Variants in NELL2 observed in about 807,000 individuals in gnomAD.
NELL2 encodes protein kinase C-binding protein NELL2.
In NELL2, 41 loss-of-function variants were observed where a neutral mutation model predicts 109.6. The ratio of observed to expected loss-of-function variants is 0.37; its 90% CI spans 0.29 to 0.49. The LOEUF is 0.49. Among genes scored for constraint, NELL2 ranks in the 20% least tolerant of loss-of-function variants. The pLI, the probability that NELL2 is intolerant of heterozygous loss-of-function variation, is 0.98. For missense variants in NELL2, 900 were observed against 1,008.3 expected, an observed-to-expected ratio of 0.89 and a Z score of 1.45; for synonymous variants, 355 against 344.7, an observed-to-expected ratio of 1.03 and a Z score of -0.33.
intron 2 of NELL2, among the ~76,000 whole-genome samples, chr12:44,821,501 AG>A (rs1943541999): frequency 1.3e-5 from 2 of 152,232 alleles, no homozygotes; most frequent in South Asian, 4.1e-4. Flanking sequence ...ATTTTAAGAA[AG>A]GTCATTTTAC....
At chr12:44,827,828 T>A (rs1238406715) in intron 2 of NELL2, among the ~76,000 whole-genome samples, 1 of 152,180 alleles carries the variant, frequency 6.6e-6, no homozygotes, top group African/African-American at 2.4e-5. Flanking sequence ...GGTATATACC[T>A]GGGAGTGGGA....
At chr12:44,672,653 C>A (rs1948179403) in intron 12 of NELL2, among the ~76,000 whole-genome samples, 1 of 152,196 alleles carries the variant, frequency 6.6e-6, no homozygotes, top group Non-Finnish European at 1.5e-5. Context: ...ACTTTGATGG[C>A]ACTAAAGTTC....
chr12:44,824,210 T>C (rs529976570), intron 2 of NELL2, among the ~76,000 whole-genome samples: 16 of 152,248 alleles, frequency 1.1e-4, no homozygotes, highest in Non-Finnish European at 1.5e-4. Flanking sequence ...TCTTCCATTC[T>C]GTACATTGTT....
At chr12:44,607,492 C>A (rs1945450881) in intron 14 of NELL2, among the ~76,000 whole-genome samples, 1 of 152,072 alleles carries the variant, frequency 6.6e-6, no homozygotes, top group Admixed American at 6.6e-5. Context: ...AAACAAAATA[C>A]TGAAATTTAT....
At chr12:44,736,829 A>T (rs1040191937) in intron 9 of NELL2, among the ~76,000 whole-genome samples, 2 of 152,142 alleles carry the variant, frequency 1.3e-5, no homozygotes, top group African/African-American at 2.4e-5. Flanking sequence ...GTTAAAAGAC[A>T]AATTATACAT....
chr12:44,892,513 C>T (rs1181015560), intron 1 of NELL2, among the ~76,000 whole-genome samples: 1 of 151,982 alleles, frequency 6.6e-6, no homozygotes, highest in Non-Finnish European at 1.5e-5. Flanking sequence ...ATGAAGAAAC[C>T]AGGGCTGGGC....
At chr12:44,835,196 C>A (rs1333123622) in intron 2 of NELL2, among the ~76,000 whole-genome samples, 1 of 152,170 alleles carries the variant, frequency 6.6e-6, no homozygotes, top group African/African-American at 2.4e-5. Flanking sequence ...AGTCATTAGT[C>A]TCTCAGACAC....
intron 7 of NELL2, among the ~76,000 whole-genome samples, 177 bp from the exon 8 acceptor site, chr12:44,776,327 TCTC>T (rs1488465246): frequency 6.6e-6 from 1 of 152,056 alleles, no homozygotes; most frequent in African/African-American, 2.4e-5. Flanking sequence ...TGTTTTTTTC[TCTC>T]CTCTTCTTTT....
At chr12:44,820,016 C>T (rs1429099977) in intron 2 of NELL2, among the ~76,000 whole-genome samples, 1 of 152,016 alleles carries the variant, frequency 6.6e-6, no homozygotes, top group Non-Finnish European at 1.5e-5. Flanking sequence ...TCACCTGGTG[C>T]CCCAGCCCAG....
chr12:44,532,004 G>A (rs1942084691), intron 16 of NELL2, among the ~76,000 whole-genome samples: 1 of 152,000 alleles, frequency 6.6e-6, no homozygotes, highest in South Asian at 2.1e-4. Flanking sequence ...CAAAATTAAT[G>A]GTAACTAATT....
At chr12:44,891,031 G>C (rs913080595) in intron 1 of NELL2, among the ~76,000 whole-genome samples, 1 of 151,966 alleles carries the variant, frequency 6.6e-6, no homozygotes, top group Non-Finnish European at 1.5e-5. Context: ...CACCCAGCAG[G>C]GTTCATACAT....
At chr12:44,586,777 G>T (rs985280531) in intron 15 of NELL2, among the ~76,000 whole-genome samples, 2 of 152,154 alleles carry the variant, frequency 1.3e-5, no homozygotes, top group African/African-American at 4.8e-5. Context: ...AGATATAAGG[G>T]TTATTTTTTG....
chr12:44,658,770 G>A (rs1441249633), intron 13 of NELL2, among the ~76,000 whole-genome samples: 1 of 150,760 alleles, frequency 6.6e-6, no homozygotes, highest in East Asian at 2.0e-4. Context: ...CAGCTACTCA[G>A]GAGTCTGAGG....
At chr12:44,528,806 G>T (rs749303493) in intron 16 of NELL2, among the ~76,000 whole-genome samples, 106 of 152,178 alleles carry the variant, frequency 7.0e-4, no homozygotes, top group Non-Finnish European at 1.2e-3. Context: ...TTTTAAATTA[G>T]CAGTCCAGGA....
chr12:44,698,894 G>A (rs1488893683), intron 12 of NELL2, among the ~76,000 whole-genome samples: 3 of 152,116 alleles, frequency 2.0e-5, no homozygotes, highest in East Asian at 1.9e-4. Context: ...ATTGTAATGC[G>A]CTATTGGACT....
At chr12:44,635,099 C>T (rs1002125505) in intron 13 of NELL2, among the ~76,000 whole-genome samples, 11 of 152,014 alleles carry the variant, frequency 7.2e-5, no homozygotes, top group Admixed American at 3.3e-4. Flanking sequence ...AGTGTCTATT[C>T]GTATCCTTTG....
chr12:44,886,977 T>C (rs1451318507), intron 1 of NELL2, among the ~76,000 whole-genome samples: 1 of 152,082 alleles, frequency 6.6e-6, no homozygotes, highest in Non-Finnish European at 1.5e-5. Context: ...CTGAATATTA[T>C]TGCATGTGTA....
intron 15 of NELL2, among the ~76,000 whole-genome samples, chr12:44,539,376 G>A (rs1283499574): frequency 2.6e-5 from 4 of 152,046 alleles, no homozygotes; most frequent in Non-Finnish European, 5.9e-5. Flanking sequence ...ACAAGAAATT[G>A]GCGGGGGGGA....
intron 2 of NELL2, among the ~76,000 whole-genome samples, chr12:44,817,496 C>T (rs578246018): frequency 3.9e-5 from 6 of 151,996 alleles, no homozygotes; most frequent in Non-Finnish European, 7.4e-5. Context: ...GTTAATGGGT[C>T]AGGGGGGAAA....
Sources: gnomAD v4.1 joint callset for allele counts (sites outside exome capture counted in the v4.1 genomes callset) on GRCh38, gnomAD v4.1.1 for gene constraint, MANE v1.5 for transcripts, NCBI Gene and HGNC (gene_info 2026-07-23, HGNC 2026-07-21) for gene names.